Variants in GALNTL6 observed in about 807,000 individuals in gnomAD.
The protein encoded by GALNTL6 is polypeptide N-acetylgalactosaminyltransferase-like 6.
Under a neutral mutation model 73.7 loss-of-function variants are expected in GALNTL6, and 46 were observed. That is an observed-to-expected ratio of 0.62 (90% CI 0.49 to 0.80). The LOEUF (loss-of-function observed/expected upper bound fraction) is 0.80, where lower values mean the gene tolerates loss of function less well. GALNTL6 is among the 30% of genes least tolerant of loss of function. The pLI is 0.00. For synonymous variants in GALNTL6, 259 were observed against 263.7 expected, an observed-to-expected ratio of 0.98 and a Z score of 0.17; for missense variants, 604 against 755.0, an observed-to-expected ratio of 0.80 and a Z score of 2.34.
In GALNTL6 at chr4:173,003,272, G is replaced by A. The variant is rs1028497389; in HGVS notation, c.1372-5906G>A. ...GCAGAAATTGTTCATTCATTGAGGG[G>A]TAGGGAGGTGGGTATGTTTGGTGTG... On this transcript the variant is annotated intron_variant, in intron 10 of 12. Transcript: ENST00000506823. Among the ~76,000 whole-genome samples the A allele has an allele frequency of 2.0e-5, 3 of 152,262 alleles. No homozygotes were observed. The East Asian group carries it at 5.8e-4, about 29-fold the overall frequency.
At chr4:172,739,713 A>T (rs751293434) in intron 5 of GALNTL6, among the ~76,000 whole-genome samples, 3 of 152,142 alleles carry the variant, frequency 2.0e-5, no homozygotes, top group Non-Finnish European at 2.9e-5. Flanking sequence ...CCTCTCTTCA[A>T]AATAAAAATC....
chr4:172,750,623 G>T (rs920353172), intron 5 of GALNTL6, among the ~76,000 whole-genome samples: 3 of 152,114 alleles, frequency 2.0e-5, no homozygotes, highest in Non-Finnish European at 4.4e-5. Context: ...CTCCCTTGAC[G>T]TTCCTTTGCC....
At chr4:172,306,746 A>G (rs886539140) in intron 3 of GALNTL6, among the ~76,000 whole-genome samples, 1 of 152,262 alleles carries the variant, frequency 6.6e-6, no homozygotes, top group South Asian at 2.1e-4. Context: ...ATTTCACTTA[A>G]AATGATGGTC....
At chr4:171,850,001 C>G (rs147201781) in intron 2 of GALNTL6, among the ~76,000 whole-genome samples, 4 of 152,148 alleles carry the variant, frequency 2.6e-5, no homozygotes, top group South Asian at 2.1e-4. Flanking sequence ...AGTCTCACTG[C>G]CATGCCCAGG....
At chr4:172,553,467 T>G (rs1244382474) in intron 5 of GALNTL6, among the ~76,000 whole-genome samples, 1 of 152,214 alleles carries the variant, frequency 6.6e-6, no homozygotes, top group African/African-American at 2.4e-5. Context: ...CCTATGTAGA[T>G]TCTTCACTTA....
chr4:171,967,714 T>C (rs888253596), intron 2 of GALNTL6, among the ~76,000 whole-genome samples: 1 of 152,204 alleles, frequency 6.6e-6, no homozygotes, highest in Non-Finnish European at 1.5e-5. Flanking sequence ...AAATTTATAC[T>C]CATTTCGTGA....
chr4:172,447,951 A>T (rs943850312), intron 5 of GALNTL6, among the ~76,000 whole-genome samples: 5 of 152,230 alleles, frequency 3.3e-5, no homozygotes, highest in Non-Finnish European at 7.3e-5. Flanking sequence ...GAACATATTA[A>T]CTTAGGAGAT....
At chr4:172,149,858 T>G (rs1001310999) in intron 2 of GALNTL6, among the ~76,000 whole-genome samples, 1 of 152,184 alleles carries the variant, frequency 6.6e-6, no homozygotes, top group Non-Finnish European at 1.5e-5. Flanking sequence ...CATTGAGATT[T>G]AAAACACACA....
At chr4:172,596,690 C>T (rs1737868673) in intron 5 of GALNTL6, among the ~76,000 whole-genome samples, 1 of 152,120 alleles carries the variant, frequency 6.6e-6, no homozygotes, top group African/African-American at 2.4e-5. Context: ...CTCTATAAAA[C>T]ACTTCAATTT....
intron 5 of GALNTL6, among the ~76,000 whole-genome samples, chr4:172,360,883 A>G (rs556716278): frequency 6.6e-6 from 1 of 152,310 alleles, no homozygotes; most frequent in East Asian, 1.9e-4. Flanking sequence ...TGTGTGAAAT[A>G]TTGCAAGTCC....
chr4:173,025,489 G>T (rs1579798348), intron 12 of GALNTL6, among the ~76,000 whole-genome samples: 1 of 152,212 alleles, frequency 6.6e-6, no homozygotes, highest in Middle Eastern at 3.4e-3. Flanking sequence ...TCTATAGCCA[G>T]CCCCTGCCTG....
In GALNTL6 at chr4:172,379,992, C is replaced by G. The variant is rs1027179711; in HGVS notation, c.553+31303C>G. 43 of 855,224 alleles carry G rather than the reference C, an allele frequency of 5.0e-5. No individual in the cohort carries two copies. In the Admixed American group the frequency reaches 6.9e-4, roughly 14 times the overall value. 53.0% of individuals were successfully genotyped at this position (855,224 alleles called of 1,614,324 possible). ...CCAAAAGAAAGAAGTCTTGGCAGAA[C>G]AGGAGAAGTGATGCATACTTGATGA... is the stretch of plus-strand genomic sequence containing the variant. On this transcript the variant is annotated intron_variant, in intron 5 of 12. Coordinates refer to ENST00000506823, the MANE Select transcript of GALNTL6 (RefSeq NM_001034845.3).
chr4:172,141,903 ACACACACACC>A (rs1054544674), intron 2 of GALNTL6, among the ~76,000 whole-genome samples: 109 of 125,974 alleles, frequency 8.7e-4, no homozygotes, highest in Admixed American at 2.3e-3. Flanking sequence ...ACACACACAC[ACACACACACC>A]CCCCACACTC....
intron 2 of GALNTL6, among the ~76,000 whole-genome samples, chr4:171,903,879 G>A (rs1737189313): frequency 6.6e-6 from 1 of 152,042 alleles, no homozygotes; most frequent in Non-Finnish European, 1.5e-5. Context: ...CCCCAGCAGG[G>A]GCAGACTGAC....
chr4:171,819,408 A>C lies in GALNTL6; in HGVS notation c.138+4690A>C, dbSNP rs1163637532. On this transcript the variant is annotated intron_variant, in intron 2 of 12. Transcript: ENST00000506823. Reference sequence around the variant, plus strand: ...CTTCTGTTCACAATCTGGTCAAAAAAATAAATAAATAATTTTTCCCCTCTA... The same window carrying C: ...CTTCTGTTCACAATCTGGTCAAAAACATAAATAAATAATTTTTCCCCTCTA... Among the ~76,000 whole-genome samples, 3 of 152,284 alleles carry C rather than the reference A, an allele frequency of 2.0e-5. No individual in the cohort carries two copies. In the East Asian group the frequency reaches 5.8e-4, roughly 29 times the overall value.
intron 4 of GALNTL6, among the ~76,000 whole-genome samples, chr4:172,320,149 C>G (rs1487352954): frequency 6.6e-6 from 1 of 152,060 alleles, no homozygotes; most frequent in Non-Finnish European, 1.5e-5. Context: ...TCTTAGCCAC[C>G]ACACATGAAA....
chr4:172,246,802 T>A (rs1385075449), intron 3 of GALNTL6, among the ~76,000 whole-genome samples: 2 of 147,420 alleles, frequency 1.4e-5, no homozygotes, highest in Non-Finnish European at 3.0e-5. Flanking sequence ...GCCAGGCGAT[T>A]TATATATATA....
chr4:172,759,777 C>A (rs1737962028), intron 5 of GALNTL6, among the ~76,000 whole-genome samples: 1 of 145,406 alleles, frequency 6.9e-6, no homozygotes, highest in Non-Finnish European at 1.5e-5. Flanking sequence ...CCTGCACCTG[C>A]ACTCTTTGAA....
At chr4:172,464,970 G>A (rs570973042) in intron 5 of GALNTL6, among the ~76,000 whole-genome samples, 25 of 152,082 alleles carry the variant, frequency 1.6e-4, no homozygotes, top group Admixed American at 1.2e-3. Context: ...AACCCAAGGA[G>A]GCATAGACTT....
Sources: allele counts gnomAD v4.1 joint callset (sites outside exome capture counted in the v4.1 genomes callset), GRCh38; gene constraint gnomAD v4.1.1; transcripts MANE v1.5; gene names NCBI Gene and HGNC (gene_info 2026-07-23, HGNC 2026-07-21).